EPHA6: variants seen among roughly 807,000 people sequenced by gnomAD.
EPHA6 encodes EPH receptor A6, also known as ephrin type-A receptor 6.
Under a neutral mutation model 112.0 loss-of-function variants are expected in EPHA6, and 50 were observed. The ratio of observed to expected loss-of-function variants is 0.45; its 90% CI spans 0.36 to 0.56. EPHA6 has a LOEUF of 0.56. Among genes scored for constraint, EPHA6 ranks in the 20% least tolerant of loss-of-function variants. EPHA6 has a pLI of 0.00. For missense variants in EPHA6, 1,280 were observed against 1,417.4 expected, an observed-to-expected ratio of 0.90 and a Z score of 1.56; for synonymous variants, 529 against 490.7, an observed-to-expected ratio of 1.08 and a Z score of -1.03.
chr3:97,226,814 G>A (rs145297846), intron 4 of EPHA6, among the ~76,000 whole-genome samples: 10 of 152,322 alleles, frequency 6.6e-5, no homozygotes, highest in East Asian at 3.9e-4. Flanking sequence ...TAGTTAACGC[G>A]TGAGGGAGAT....
At chr3:97,543,324 T>C (rs2092895259) in intron 11 of EPHA6, among the ~76,000 whole-genome samples, 1 of 152,164 alleles carries the variant, frequency 6.6e-6, no homozygotes, top group Non-Finnish European at 1.5e-5. Flanking sequence ...GCTAGCCAGT[T>C]TTCCCAGCAC....
intron 1 of EPHA6, among the ~76,000 whole-genome samples, chr3:96,848,159 T>A (rs1468811701): frequency 1.3e-5 from 2 of 152,110 alleles, no homozygotes; most frequent in Non-Finnish European, 2.9e-5. Context: ...AATTTTAATA[T>A]GCTTGTTTTA....
chr3:97,612,587 A>G (rs1287833587), intron 13 of EPHA6: 1 of 220,598 alleles, frequency 4.5e-6, no homozygotes, highest in African/African-American at 2.3e-5. Flanking sequence ...ATTTACTTCT[A>G]AACATCTTAC....
intron 3 of EPHA6, among the ~76,000 whole-genome samples, chr3:97,041,782 A>G (rs2045324638): frequency 6.6e-6 from 1 of 152,078 alleles, no homozygotes; most frequent in Non-Finnish European, 1.5e-5. Context: ...AGAAAAAGGG[A>G]GAGAGAGTGA....
chr3:97,741,076 C>T (rs779029087), intron 16 of EPHA6, among the ~76,000 whole-genome samples: 2 of 152,092 alleles, frequency 1.3e-5, no homozygotes, highest in Non-Finnish European at 2.9e-5. Flanking sequence ...TTCAGCCAGG[C>T]TCAGTGGCTC....
At chr3:97,460,260 A>C (rs1182496366) in intron 7 of EPHA6, among the ~76,000 whole-genome samples, 1 of 152,230 alleles carries the variant, frequency 6.6e-6, no homozygotes, top group Non-Finnish European at 1.5e-5. Flanking sequence ...AACATGCTAT[A>C]TTATCTTCCT....
At chr3:97,671,148 G>T (rs1217021607) in intron 14 of EPHA6, among the ~76,000 whole-genome samples, 1 of 152,176 alleles carries the variant, frequency 6.6e-6, no homozygotes, top group Non-Finnish European at 1.5e-5. Context: ...TCTCACTGAT[G>T]AGGTTTGTGC....
intron 17 of EPHA6, among the ~76,000 whole-genome samples, chr3:97,748,026 T>C (rs1220676309): frequency 6.6e-6 from 1 of 152,120 alleles, no homozygotes; most frequent in East Asian, 1.9e-4. Context: ...AATGAAAATA[T>C]TTAACATGTG....
rs573759312 is a variant in EPHA6 at position 97,356,184 on chromosome 3, A to G, written c.1607-48966A>G. 5.3e-5 allele frequency among the ~76,000 whole-genome samples: 8 copies of G among 152,306 alleles called. No individual in the cohort carries two copies. In the South Asian group the frequency reaches 1.7e-3, roughly 32 times the overall value. ...CTGCATACAAGGGATCGAGGTCACA[A>G]GCTCCTTATGAGAATTTAAGCTTGA... On this transcript the variant is annotated intron_variant, in intron 5 of 17. Coordinates refer to ENST00000389672, the MANE Select transcript of EPHA6 (RefSeq NM_001080448.3).
At chr3:96,837,017 A>G (rs1559760952) in intron 1 of EPHA6, among the ~76,000 whole-genome samples, 1 of 152,142 alleles carries the variant, frequency 6.6e-6, no homozygotes, top group Non-Finnish European at 1.5e-5. Context: ...ATGAGAACTT[A>G]AAAAGAAAAT....
At chr3:97,740,171 C>T (rs2035439186) in intron 16 of EPHA6, among the ~76,000 whole-genome samples, 1 of 152,094 alleles carries the variant, frequency 6.6e-6, no homozygotes, top group Non-Finnish European at 1.5e-5. Context: ...CCCACATTGT[C>T]CTACACATTT....
intron 5 of EPHA6, among the ~76,000 whole-genome samples, chr3:97,312,010 T>A (rs1188986460): frequency 2.6e-5 from 4 of 151,624 alleles, no homozygotes; most frequent in Non-Finnish European, 4.4e-5. Flanking sequence ...AGCAATGTTT[T>A]GTATATTTAA....
At chr3:96,960,654 C>T (rs2041920051) in intron 2 of EPHA6, among the ~76,000 whole-genome samples, 1 of 152,188 alleles carries the variant, frequency 6.6e-6, no homozygotes, top group Admixed American at 6.5e-5. Flanking sequence ...ATCACAGGAA[C>T]ATAGCCAGCT....
At chr3:97,542,505 T>G (rs2092875597) in intron 11 of EPHA6, among the ~76,000 whole-genome samples, 1 of 152,212 alleles carries the variant, frequency 6.6e-6, no homozygotes, top group Admixed American at 6.5e-5. Flanking sequence ...TGTTGGACAT[T>G]TAGGTTGGTT....
chr3:97,307,989 T>G (rs1042194621), intron 5 of EPHA6, among the ~76,000 whole-genome samples: 1 of 151,776 alleles, frequency 6.6e-6, no homozygotes, highest in African/African-American at 2.4e-5. Flanking sequence ...ACCTTTTTTT[T>G]TGTGTTCCTT....
intron 2 of EPHA6, among the ~76,000 whole-genome samples, chr3:96,884,695 C>T (rs757511042): frequency 2.6e-5 from 4 of 152,062 alleles, no homozygotes; most frequent in South Asian, 2.1e-4. Flanking sequence ...TCTTCTTTAC[C>T]GATTTGGATG....
intron 5 of EPHA6, among the ~76,000 whole-genome samples, chr3:97,248,022 A>T (rs1228709598): frequency 6.6e-6 from 1 of 151,970 alleles, no homozygotes; most frequent in Non-Finnish European, 1.5e-5. Context: ...CTCATATTTA[A>T]GAAATACTAA....
intron 1 of EPHA6, among the ~76,000 whole-genome samples, chr3:96,849,598 A>G (rs1392932455): frequency 6.6e-6 from 1 of 152,110 alleles, no homozygotes; most frequent in Non-Finnish European, 1.5e-5. Flanking sequence ...TTCTAGCACT[A>G]TAAGCTGCTC....
intron 3 of EPHA6, among the ~76,000 whole-genome samples, chr3:97,225,188 C>T (rs1165118578): frequency 6.6e-6 from 1 of 152,156 alleles, no homozygotes; most frequent in African/African-American, 2.4e-5. Context: ...ATCTCCTGAC[C>T]CTGTGATCAG....
Sources: allele counts gnomAD v4.1 joint callset (sites outside exome capture counted in the v4.1 genomes callset), GRCh38; gene constraint gnomAD v4.1.1; transcripts MANE v1.5; gene names NCBI Gene and HGNC (gene_info 2026-07-23, HGNC 2026-07-21).